APBB1: variants seen among roughly 807,000 people sequenced by gnomAD.
APBB1 encodes amyloid beta precursor protein binding family B member 1.
APBB1 carries 22 observed loss-of-function variants against 78.4 expected under a neutral mutation model. That is an observed-to-expected ratio of 0.28 (90% CI 0.20 to 0.40). The LOEUF (loss-of-function observed/expected upper bound fraction) is 0.40. APBB1 is among the 10% of genes least tolerant of loss of function. The pLI, the probability that APBB1 is intolerant of heterozygous loss-of-function variation, is 1.00. For missense variants in APBB1, 749 were observed against 932.4 expected (o/e 0.80, Z 2.56); for synonymous variants, 369 against 372.7 (o/e 0.99, Z 0.12).
intron 12 of APBB1, among the ~76,000 whole-genome samples, chr11:6,399,023 C>G (rs541984244): frequency 6.6e-6 from 1 of 152,194 alleles, no homozygotes; most frequent in South Asian, 2.1e-4. Context: ...GATACCCTAC[C>G]ACTTCTTTTT....
chr11:6,417,568 C>T (rs1204487274), intron 1 of APBB1, among the ~76,000 whole-genome samples: 1 of 152,084 alleles, frequency 6.6e-6, no homozygotes, highest in Non-Finnish European at 1.5e-5. Context: ...AAGCATTTTT[C>T]AAAGGATTAC....
chr11:6,414,217 G>T (rs141222698), intron 1 of APBB1, among the ~76,000 whole-genome samples: 15 of 152,242 alleles, frequency 9.9e-5, no homozygotes, highest in African/African-American at 3.4e-4. Context: ...AAAGCCCTGG[G>T]TCTTTGTTTA....
chr11:6,419,411 C>T (rs1037219686), upstream of APBB1: 14 of 172,468 alleles, frequency 8.1e-5, no homozygotes, highest in Non-Finnish European at 1.5e-4. Flanking sequence ...GGGCTGGAGC[C>T]CGAATGGCGG....
In APBB1 at chr11:6,403,540, G is replaced by C. The variant is rs940658222; in HGVS notation, c.902C>G (p.Thr301Ser). 1 of 1,614,188 alleles carries C rather than the reference G, an allele frequency of 6.2e-7. No individual in the cohort carries two copies. The highest frequency in any genetic ancestry group is 8.5e-7 in the Non-Finnish European group (1 of 1,180,026). Residue 301 changes from threonine (T) to serine (S), a missense_variant, in exon 4 of 15, where the codon ACC (threonine) becomes AGC (serine). Around this residue, in one of 3 missense-constraint regions of APBB1, gnomAD observed 635 missense variants for 765.0 expected, o/e 0.83. Coordinates refer to ENST00000609360, the MANE Select transcript of APBB1 (RefSeq NM_001164.5). The surrounding 1 kb of genome is among the most constrained non-coding windows in gnomAD (Gnocchi z 5.3). ...GSSPQEESQLTWTGFAHGEGF... is the reference protein window; with the variant it reads ...GSSPQEESQLSWTGFAHGEGF... ...TTCTCCATGAGCAAAACCTGTCCAG[G>C]TGAGCTAGGAGGAGGGATGGGAGTA...
Position 6,403,130 on chromosome 11 carries a change from C to A in APBB1, c.1104+15G>T. ...AGGGCCCCAGACTCAGAATGGGTGT[C>A]AGTCTTGAACAAACCTTGATCCCTG... is the stretch of plus-strand genomic sequence containing the variant. On this transcript the variant is annotated intron_variant, in intron 6 of 14. Transcript: ENST00000609360. The surrounding 1 kb of genome is among the most constrained non-coding windows in gnomAD (Gnocchi z 5.3). 1.2e-6 allele frequency: 2 copies of A among 1,601,336 alleles called. No homozygotes were observed. The highest frequency in any genetic ancestry group is 1.7e-6 in the Non-Finnish European group (2 of 1,174,586).
At chr11:6,409,246 TG>T (rs1211110228) in intron 2 of APBB1, among the ~76,000 whole-genome samples, 1 of 152,034 alleles carries the variant, frequency 6.6e-6, no homozygotes, top group East Asian at 1.9e-4. Context: ...CTAATTTTTT[TG>T]TCTTTTTTAT....
intron 2 of APBB1, among the ~76,000 whole-genome samples, chr11:6,409,323 T>C (rs1054182639): frequency 1.3e-5 from 2 of 151,690 alleles, no homozygotes; most frequent in African/African-American, 2.4e-5. Context: ...AATCTACCCA[T>C]TTTAGCCTTC....
Position 6,401,993 on chromosome 11 carries a change from C to A in APBB1, c.1383-11G>T. Reference sequence around the variant, plus strand: ...GCATAGTACCTCTCTCTGGGTCCAGCAGCACAAGAGAGGCAAATAACAGAG... The same window carrying A: ...GCATAGTACCTCTCTCTGGGTCCAGAAGCACAAGAGAGGCAAATAACAGAG... On this transcript the variant is annotated splice_polypyrimidine_tract_variant and intron_variant, in intron 8 of 14. Transcript: ENST00000609360. The surrounding 1 kb of genome is among the most constrained non-coding windows in gnomAD (Gnocchi z 4.5). 6.3e-7 allele frequency: 1 copy of A among 1,577,478 alleles called. No homozygotes were observed. Among genetic ancestry groups the A allele is most frequent in the Non-Finnish European group, 8.6e-7 (1 of 1,159,854 alleles).
intron 1 of APBB1, among the ~76,000 whole-genome samples, chr11:6,417,149 GCCT>G (rs1472493788): frequency 6.6e-6 from 1 of 152,198 alleles, no homozygotes; most frequent in African/African-American, 2.4e-5. Context: ...AGCCTCAGTA[GCCT>G]TCTTCTGATT....
At chr11:6,413,682 G>A (rs1235184094) in intron 1 of APBB1, among the ~76,000 whole-genome samples, 1 of 151,656 alleles carries the variant, frequency 6.6e-6, no homozygotes, top group Non-Finnish European at 1.5e-5. Flanking sequence ...TGTTGGCCAG[G>A]CTGGTCTCAA....
intron 13 of APBB1, 63 bp downstream of exon 13, chr11:6,396,037 C>T: frequency 6.3e-7 from 1 of 1,599,924 alleles, no homozygotes; most frequent in South Asian, 1.1e-5. Flanking sequence ...GCAGCTCTTC[C>T]CCTCACCCCC....
intron 2 of APBB1, among the ~76,000 whole-genome samples, chr11:6,406,571 A>G (rs558972864): frequency 7.4e-4 from 113 of 152,228 alleles, no homozygotes; most frequent in South Asian, 3.7e-3. Flanking sequence ...CCCTCAGGAT[A>G]AAGTCCAAAT....
In APBB1 at chr11:6,401,317, C is replaced by G. The variant is rs371325533; in HGVS notation, c.1588+28G>C. 4 of 1,614,050 alleles carry G rather than the reference C, an allele frequency of 2.5e-6. No homozygotes were observed. The highest frequency in any genetic ancestry group is 2.5e-6 in the Non-Finnish European group (3 of 1,180,042). Reference sequence around the variant, plus strand: ...ACCCACCTTTGCCAACAAAGCTGAGCTGGACCTGGAGGGGTTTTGACACTG... The same window carrying G: ...ACCCACCTTTGCCAACAAAGCTGAGGTGGACCTGGAGGGGTTTTGACACTG... On this transcript the variant is annotated intron_variant, in intron 11 of 14. Coordinates refer to ENST00000609360, the MANE Select transcript of APBB1 (RefSeq NM_001164.5). This position sits in a 1 kb window ranked among gnomAD's most constrained non-coding sequence, Gnocchi z 4.5.
Position 6,411,195 on chromosome 11 carries a change from G to A in APBB1, c.153C>T (p.Arg51=). 3 of 1,607,888 alleles carry A rather than the reference G, an allele frequency of 1.9e-6. No homozygotes were observed. Among genetic ancestry groups the A allele is most frequent in the Non-Finnish European group, 2.5e-6 (3 of 1,178,936 alleles). The part of the protein sequence containing the change: ...QATAVGPKDL[R]SAMGEGGGPE... Reference sequence around the variant, plus strand: ...GCCCACCACCCTCCCCCATGGCGCTGCGCAGGTCCTTGGGTCCCACAGCTG... The same window carrying A: ...GCCCACCACCCTCCCCCATGGCGCTACGCAGGTCCTTGGGTCCCACAGCTG... The change falls in exon 2 of 15, where the codon CGC becomes CGT. Residue 51 remains arginine, a synonymous_variant. Coordinates refer to ENST00000609360, the MANE Select transcript of APBB1 (RefSeq NM_001164.5). This position sits in a 1 kb window ranked among gnomAD's most constrained non-coding sequence, Gnocchi z 5.2.
At chr11:6,396,501 G>A (rs1268341304) in intron 12 of APBB1, 2 of 381,334 alleles carry the variant, frequency 5.2e-6, no homozygotes, top group Admixed American at 9.4e-5. Context: ...ACCTCTCAAA[G>A]TTCTGATTTC....
At chr11:6,416,915 T>C (rs1366939155) in intron 1 of APBB1, among the ~76,000 whole-genome samples, 1 of 152,114 alleles carries the variant, frequency 6.6e-6, no homozygotes, top group Non-Finnish European at 1.5e-5. Context: ...CTAATTTTTG[T>C]GTACTTTTAG....
At chr11:6,416,606 T>C (rs899417697) in intron 1 of APBB1, among the ~76,000 whole-genome samples, 15 of 152,208 alleles carry the variant, frequency 9.9e-5, no homozygotes, top group African/African-American at 3.6e-4. Context: ...GGGTACATCT[T>C]GACATGTCCT....
intron 2 of APBB1, among the ~76,000 whole-genome samples, chr11:6,408,916 G>A (rs1348200393): frequency 1.3e-5 from 2 of 152,196 alleles, no homozygotes; most frequent in African/African-American, 4.8e-5. Flanking sequence ...TGGGATTACA[G>A]GCGTGAGCCA....
chr11:6,410,750 G>C lies in APBB1; in HGVS notation c.598C>G (p.Arg200Gly). 6.3e-7 allele frequency: 1 copy of C among 1,580,684 alleles called. No individual in the cohort carries two copies. Among genetic ancestry groups the C allele is most frequent in the Non-Finnish European group, 8.6e-7 (1 of 1,162,824 alleles). The change falls in exon 2 of 15, where the codon CGG (arginine) becomes GGG (glycine). Residue 200 changes from arginine to glycine, a missense_variant. Physicochemically the swap from Arg to Gly is moderately radical, Grantham distance 125 (BLOSUM62 -2). Coordinates refer to ENST00000609360, the MANE Select transcript of APBB1 (RefSeq NM_001164.5). ...AGGCTGGCACTCTTGCTGTGTTCCC[G>C]GGGGCCATCTGTAAGGGCTTGGGGC... ...PRPQALTDGP[R>G]EHSKSASLLF...
Sources: allele counts gnomAD v4.1 joint callset (sites outside exome capture counted in the v4.1 genomes callset), GRCh38; gene constraint gnomAD v4.1.1; regional missense constraint gnomAD v4.1.1; non-coding constraint Gnocchi (gnomAD v3.1); transcripts MANE v1.5; gene names NCBI Gene and HGNC (gene_info 2026-07-23, HGNC 2026-07-21).